TNIP2: variants seen among roughly 807,000 people sequenced by gnomAD.
TNIP2 encodes the protein TNFAIP3-interacting protein 2.
Under a neutral mutation model 43.7 loss-of-function variants are expected in TNIP2, and 30 were observed. The observed-to-expected ratio is 0.69, with a 90% confidence interval of 0.51 to 0.93. The LOEUF (loss-of-function observed/expected upper bound fraction) is 0.93, where lower values mean the gene tolerates loss of function less well. TNIP2 is among the 40% of genes least tolerant of loss of function. The pLI is 0.00. For missense variants in TNIP2, 599 were observed against 591.0 expected, an observed-to-expected ratio of 1.01 and a Z score of -0.14; for synonymous variants, 260 against 254.6, an observed-to-expected ratio of 1.02 and a Z score of -0.20.
At chr4:2,753,564 A>G (rs1348242405) in intron 1 of TNIP2, among the ~76,000 whole-genome samples, 2 of 152,258 alleles carry the variant, frequency 1.3e-5, no homozygotes, top group East Asian at 1.9e-4. Flanking sequence ...AGGAAGCTGC[A>G]ATAAGCTGCT....
Position 2,745,038 on chromosome 4 carries a change from C to T in TNIP2, c.658-93G>A, listed in dbSNP as rs565411831. On this transcript the variant is annotated intron_variant, in intron 3 of 5. Transcript: ENST00000315423. The stretch of plus-strand genomic sequence containing the variant: ...TGTGAATTATGTATTAGCAGTGATT[C>T]GCTGAGTGAGAGTTTCCTCTTAAAT... 1.8e-5 allele frequency: 27 copies of T among 1,472,422 alleles called. 1 individual carries two copies. Among genetic ancestry groups the T allele is most frequent in the African/African-American group, 1.1e-4 (8 of 71,170 alleles). 91.2% of individuals were successfully genotyped at this position (1,472,422 alleles called of 1,614,324 possible).
chr4:2,753,708 G>A (rs1407072227), intron 1 of TNIP2, among the ~76,000 whole-genome samples: 8 of 152,116 alleles, frequency 5.3e-5, no homozygotes, highest in Admixed American at 1.3e-4. Context: ...AGATGACTTC[G>A]GAGTGTCCTT....
In TNIP2 at chr4:2,747,769, G is replaced by A; in HGVS notation, c.453C>T (p.Thr151=). 6.2e-7 allele frequency: 1 copy of A among 1,611,534 alleles called. No individual in the cohort carries two copies. Among genetic ancestry groups the A allele is most frequent in the Non-Finnish European group, 8.5e-7 (1 of 1,180,024 alleles). ...CGGTCAGCGTCCTCCGCAGCTGATGGGTCTCGTTGGCCAAGGAGCGGCACA... is the reference window on the plus strand; with the variant it reads ...CGGTCAGCGTCCTCCGCAGCTGATGAGTCTCGTTGGCCAAGGAGCGGCACA... ...DVLCRSLANE[T]HQLRRTLTAT... The change falls in exon 2 of 6, where the codon ACC becomes ACT. Residue 151 remains threonine (T), a synonymous_variant. Coordinates refer to ENST00000315423, the MANE Select transcript of TNIP2 (RefSeq NM_024309.4).
intron 2 of TNIP2, 42 bp from the exon 3 acceptor site, chr4:2,745,577 C>T: frequency 1.4e-6 from 2 of 1,438,780 alleles, no homozygotes; most frequent in Non-Finnish European, 2.0e-6. Flanking sequence ...CTGTCACATA[C>T]AGCAAGAGGG....
chr4:2,750,277 C>T (rs1489650658), intron 1 of TNIP2, among the ~76,000 whole-genome samples: 4 of 151,866 alleles, frequency 2.6e-5, no homozygotes, highest in African/African-American at 4.8e-5. Flanking sequence ...CCAGAAGTGG[C>T]GGGAGAAGGG....
Position 2,744,836 on chromosome 4 carries a change from A to C in TNIP2, c.767T>G (p.Leu256Arg). Residue 256 changes from leucine to arginine, a missense_variant, in exon 4 of 6, where the codon CTG becomes CGG. By Grantham distance (102) the Leu-to-Arg change is moderately radical. Transcript: ENST00000315423. The surrounding 1 kb of genome is among the most constrained non-coding windows in gnomAD (Gnocchi z 5.1). The stretch of plus-strand genomic sequence containing the variant: ...GAGCCGGGAGATCTCCTTCCTCATC[A>C]GCTCGGGCTCGTGGGGGATCTGCAG... ...RGLQIPHEPE[L>R]MRKEISRLNR... The C allele has an allele frequency of 6.2e-7, 1 of 1,613,942 alleles. No homozygotes were observed. The highest frequency in any genetic ancestry group is 8.5e-7 in the Non-Finnish European group (1 of 1,180,040).
At chr4:2,743,536 G>C (rs1490598850) in intron 5 of TNIP2, among the ~76,000 whole-genome samples, 1 of 152,230 alleles carries the variant, frequency 6.6e-6, no homozygotes, top group South Asian at 2.1e-4. Flanking sequence ...CCTTCATGCG[G>C]AGGAGAAGCA....
intron 2 of TNIP2, chr4:2,745,887 T>C (rs1350956844): frequency 4.2e-6 from 1 of 236,966 alleles, no homozygotes; most frequent in Non-Finnish European, 8.2e-6. Flanking sequence ...CCAGACATGA[T>C]AAAGTCTTCT....
chr4:2,743,231 C>A (rs1411961342), intron 5 of TNIP2, among the ~76,000 whole-genome samples: 2 of 152,096 alleles, frequency 1.3e-5, no homozygotes, highest in African/African-American at 2.4e-5. Context: ...CCTCGAGGGG[C>A]CACAGGCTAC....
chr4:2,743,108 C>T (rs1284431560), intron 5 of TNIP2, among the ~76,000 whole-genome samples: 3 of 152,170 alleles, frequency 2.0e-5, no homozygotes, highest in Admixed American at 2.0e-4. Context: ...TCCAGCAGGC[C>T]TTGGTGCTTC....
chr4:2,745,155 T>C (rs1721911603), intron 3 of TNIP2, among the ~76,000 whole-genome samples: 2 of 152,218 alleles, frequency 1.3e-5, no homozygotes, highest in South Asian at 4.1e-4. Flanking sequence ...GCAAGCAGCA[T>C]GAACGGAGGT....
Position 2,742,141 on chromosome 4 carries a change from T to C in TNIP2, c.*116A>G. On this transcript the variant is annotated 3_prime_UTR_variant, in exon 6 of 6. Coordinates refer to ENST00000315423, the MANE Select transcript of TNIP2 (RefSeq NM_024309.4). ...GAACGATCAGAGTGCCCCGCAACTA[T>C]TCTAGGGGCCTTGGCTCTCAGTAGA... The C allele has an allele frequency of 1.8e-6, 2 of 1,085,450 alleles. No individual in the cohort carries two copies. Among genetic ancestry groups the C allele is most frequent in the Non-Finnish European group, 2.4e-6 (2 of 818,932 alleles). 67.2% of individuals were successfully genotyped at this position (1,085,450 alleles called of 1,614,324 possible).
chr4:2,742,000 C>G lies in TNIP2; in HGVS notation c.*257G>C, dbSNP rs1721798110. 1.1e-5 allele frequency: 4 copies of G among 359,038 alleles called. No individual in the cohort carries two copies. Among genetic ancestry groups the G allele is most frequent in the Non-Finnish European group, 2.0e-5 (4 of 200,616 alleles). 22.2% of individuals were successfully genotyped at this position (359,038 alleles called of 1,614,324 possible). A position where few individuals can be genotyped will look rare whatever the true frequency, so the allele number is the denominator to read the frequency against. On this transcript the variant is annotated 3_prime_UTR_variant, in exon 6 of 6. Transcript: ENST00000315423. ...AGCTCTGGCTTAAGCCTGATGGAGA[C>G]ACAGACTGGGACCTCCCTCTGCCAG...
chr4:2,747,666 T>C lies in TNIP2; in HGVS notation c.556A>G (p.Ser186Gly), dbSNP rs767959582. Residue 186 changes from serine (S) to glycine (G), a missense_variant, in exon 2 of 6, where the codon AGT becomes GGT. Physicochemically the swap from Ser to Gly is moderately conservative, Grantham distance 56. Transcript: ENST00000315423. ...QHAQRNVGER[S>G]PDQSEHTDGH... ...ACACTGTGGCCTACCTGGTCAGGAC[T>C]TCTCTCCCCCACATTCCTTTGTGCA... 5.6e-6 allele frequency: 9 copies of C among 1,596,786 alleles called. No homozygotes were observed. Among genetic ancestry groups the C allele is most frequent in the Non-Finnish European group, 6.8e-6 (8 of 1,177,864 alleles).
rs1448260852 is a variant in TNIP2, at chr4:2,756,271, AC to A, written c.18del (p.Ser7ArgfsTer57). 2.8e-6 allele frequency: 4 copies of A among 1,422,056 alleles called. No homozygotes were observed. Among genetic ancestry groups the A allele is most frequent in the Admixed American group, 2.8e-5 (1 of 35,342 alleles). The allele number at this position is 1,422,056 out of a possible 1,614,324, so 88.1% of individuals were successfully genotyped here. MSRDP[G>X]SGGWEEAPRA... is the part of the protein sequence containing the mutation. Reference sequence around the variant, plus strand: ...CGCGGGGCCTCCTCCCAGCCGCCCGACCCCGGGTCCCGGGACATGGCTGTAG... The same window carrying A: ...CGCGGGGCCTCCTCCCAGCCGCCCGACCCGGGTCCCGGGACATGGCTGTAG... On this transcript the variant is annotated frameshift_variant, in exon 1 of 6. Coordinates refer to ENST00000315423, the MANE Select transcript of TNIP2 (RefSeq NM_024309.4). LOFTEE classifies it high-confidence loss of function.
chr4:2,749,159 G>A (rs549424259), intron 1 of TNIP2, among the ~76,000 whole-genome samples: 1 of 151,954 alleles, frequency 6.6e-6, no homozygotes, highest in African/African-American at 2.4e-5. Flanking sequence ...TTTGAGATGA[G>A]GGTTTCGCTA....
chr4:2,755,091 C>T (rs1722194787), intron 1 of TNIP2, among the ~76,000 whole-genome samples: 1 of 152,040 alleles, frequency 6.6e-6, no homozygotes, highest in African/African-American at 2.4e-5. Flanking sequence ...GTTGAAGCGC[C>T]ACTAGTGAAA....
intron 5 of TNIP2, among the ~76,000 whole-genome samples, chr4:2,743,610 G>A (rs576995315): frequency 4.8e-4 from 73 of 152,268 alleles, no homozygotes; most frequent in African/African-American, 1.6e-3. Context: ...ACAGCCCCAG[G>A]GTCCCTGTTC....
chr4:2,749,620 G>A (rs763421492), intron 1 of TNIP2, among the ~76,000 whole-genome samples: 4 of 152,158 alleles, frequency 2.6e-5, no homozygotes, highest in Non-Finnish European at 4.4e-5. Flanking sequence ...CTGAAGAGGC[G>A]AGGAAGGGTC....
Sources: gnomAD v4.1 joint callset for allele counts (sites outside exome capture counted in the v4.1 genomes callset) on GRCh38, gnomAD v4.1.1 for gene constraint, Gnocchi (gnomAD v3.1) non-coding constraint, MANE v1.5 for transcripts, NCBI Gene and HGNC (gene_info 2026-07-23, HGNC 2026-07-21) for gene names.